Variants in MSN observed in about 807,000 individuals in gnomAD.
MSN encodes epididymis luminal protein 70.
MSN carries 2 observed loss-of-function variants against 48.0 expected under a neutral mutation model. That is an observed-to-expected ratio of 0.04 (90% CI 0.02 to 0.13). MSN has a LOEUF of 0.13. Ranked by LOEUF, MSN falls within the 10% of genes least tolerant of loss-of-function variation. The pLI is 1.00. For missense variants in MSN, 267 were observed against 470.1 expected (o/e 0.57, Z 3.99); for synonymous variants, 146 against 166.9 (o/e 0.87, Z 0.97).
intron 1 of MSN, among the ~76,000 whole-genome samples, chrX:65,657,283 G>A (rs1313824420): frequency 9.0e-6 from 1 of 111,544 alleles, no homozygotes; most frequent in Non-Finnish European, 1.9e-5. Context: ...CGAGGGGAGA[G>A]GAGGGTGAGC....
chrX:65,696,061 TC>T (rs1276156411), intron 1 of MSN, among the ~76,000 whole-genome samples: 1 of 111,411 alleles, frequency 9.0e-6, no homozygotes, highest in East Asian at 2.8e-4. Flanking sequence ...TCCCCTTGTC[TC>T]CTCACCTTCC....
At chrX:65,726,715 T>C (rs1031461544) in intron 2 of MSN, among the ~76,000 whole-genome samples, 3 of 110,859 alleles carry the variant, frequency 2.7e-5, no homozygotes, top group African/African-American at 9.9e-5. Context: ...CCTGCTTCCA[T>C]CTCCAGGTAT....
chrX:65,649,605 TTGTGTG>T (rs200078172), intron 1 of MSN, among the ~76,000 whole-genome samples: 7 of 98,408 alleles, frequency 7.1e-5, no homozygotes, highest in African/African-American at 2.6e-4. Context: ...ATATATATAT[TTGTGTG>T]TGTGTGTGTG....
At chrX:65,610,275 C>T (rs963195089) in intron 1 of MSN, among the ~76,000 whole-genome samples, 1 of 112,169 alleles carries the variant, frequency 8.9e-6, no homozygotes, top group African/African-American at 3.2e-5. Flanking sequence ...TGCCTCCCTC[C>T]TGTCCCTGGT....
chrX:65,591,255 A>G (rs1042580917), intron 1 of MSN, among the ~76,000 whole-genome samples: 1 of 111,508 alleles, frequency 9.0e-6, no homozygotes, highest in African/African-American at 3.3e-5. Context: ...GCTCTTAGGC[A>G]TGTGTATCTC....
At chrX:65,702,145 T>C (rs1444961676) in intron 1 of MSN, among the ~76,000 whole-genome samples, 2 of 107,705 alleles carry the variant, frequency 1.9e-5, no homozygotes, top group African/African-American at 6.8e-5. Context: ...CCCAAGTAGC[T>C]GGGACTACAA....
intron 10 of MSN, among the ~76,000 whole-genome samples, chrX:65,738,078 T>A (rs1014007750): frequency 1.8e-5 from 2 of 112,362 alleles, no homozygotes; most frequent in Non-Finnish European, 3.8e-5. Context: ...TAAGCTTTTT[T>A]CCTTGTTCAG....
At chrX:65,652,052 A>T (rs965369058) in intron 1 of MSN, among the ~76,000 whole-genome samples, 5 of 108,069 alleles carry the variant, frequency 4.6e-5, no homozygotes, top group African/African-American at 1.7e-4. Flanking sequence ...GAAGTTCAAG[A>T]CCAGCCTCTA....
intron 1 of MSN, among the ~76,000 whole-genome samples, chrX:65,605,075 C>G (rs751605896): frequency 2.7e-5 from 3 of 112,747 alleles, no homozygotes; most frequent in Non-Finnish European, 5.6e-5. Flanking sequence ...TAATGTTTGA[C>G]ATCTCCATGT....
chrX:65,664,059 C>CAAA (rs773139397), upstream of MSN, among the ~76,000 whole-genome samples: 2 of 40,375 alleles, frequency 5.0e-5, no homozygotes, highest in Admixed American at 3.1e-4. Context: ...GACTCCATCT[C>CAAA]AAAAAAAAAA....
chrX:65,697,113 TTTC>T (rs778409339), intron 1 of MSN, among the ~76,000 whole-genome samples: 109 of 110,668 alleles, frequency 9.8e-4, no homozygotes, highest in Non-Finnish European at 1.7e-3. Context: ...CAAAAAATTT[TTTC>T]TTAAGGCCTA....
chrX:65,658,734 A>C (rs2070800081), intron 1 of MSN, among the ~76,000 whole-genome samples: 1 of 112,068 alleles, frequency 8.9e-6, no homozygotes, highest in African/African-American at 3.2e-5. Flanking sequence ...GATGGGAACA[A>C]TATATTTGCA....
intron 2 of MSN, among the ~76,000 whole-genome samples, chrX:65,721,481 G>A (rs748594614): frequency 9.0e-6 from 1 of 111,710 alleles, no homozygotes; most frequent in East Asian, 2.8e-4. Flanking sequence ...AGATGAGGGA[G>A]CTATGAAATC....
chrX:65,644,778 C>T (rs902192525), intron 1 of MSN, among the ~76,000 whole-genome samples: 2 of 111,567 alleles, frequency 1.8e-5, no homozygotes, highest in Non-Finnish European at 3.8e-5. Context: ...AGGAGGCAGA[C>T]AACATGGCTT....
At chrX:65,675,587 A>G in intron 1 of MSN, among the ~76,000 whole-genome samples, 1 of 111,441 alleles carries the variant, frequency 9.0e-6, no homozygotes, top group Non-Finnish European at 1.9e-5. Flanking sequence ...TTAATTGGCA[A>G]ACAAGGGCCT....
chrX:65,607,939 ACT>A (rs1232965911), intron 1 of MSN, among the ~76,000 whole-genome samples: 1 of 111,433 alleles, frequency 9.0e-6, no homozygotes, highest in Admixed American at 9.6e-5. Context: ...TGAGCCCAAG[ACT>A]CTGTCTCAAT....
intron 1 of MSN, among the ~76,000 whole-genome samples, chrX:65,623,597 G>A (rs2070475058): frequency 9.1e-6 from 1 of 109,617 alleles, no homozygotes; most frequent in South Asian, 3.8e-4. Context: ...GATCACCCGA[G>A]GTCAGGAGTT....
intron 1 of MSN, among the ~76,000 whole-genome samples, chrX:65,702,058 G>A (rs1419844172): frequency 9.8e-6 from 1 of 101,635 alleles, no homozygotes. Context: ...TGTCGCCCAT[G>A]CTGCAGGACA....
chrX:65,697,952 A>T (rs2071261831), intron 1 of MSN, among the ~76,000 whole-genome samples: 3 of 111,978 alleles, frequency 2.7e-5, no homozygotes, highest in African/African-American at 9.8e-5. Flanking sequence ...TAGATTATTC[A>T]GTCTGGTCAG....
Sources: gnomAD v4.1 joint callset for allele counts (sites outside exome capture counted in the v4.1 genomes callset) on GRCh38, gnomAD v4.1.1 for gene constraint, MANE v1.5 for transcripts, NCBI Gene and HGNC (gene_info 2026-07-23, HGNC 2026-07-21) for gene names.